PROK2: variants seen among roughly 807,000 people sequenced by gnomAD.
PROK2 encodes the protein prokineticin 2, also known as prokineticin-2.
Under a neutral mutation model 14.2 loss-of-function variants are expected in PROK2, and 8 were observed. The ratio of observed to expected loss-of-function variants is 0.56; its 90% confidence interval spans 0.33 to 1.02. PROK2 has a LOEUF of 1.02. PROK2 is among the 50% of genes least tolerant of loss of function. The pLI is 0.03. For missense variants in PROK2, 154 were observed against 160.4 expected (o/e 0.96, Z 0.22); for synonymous variants, 59 against 60.7 (o/e 0.97, Z 0.13).
At chr3:71,774,299 C>T in intron 3 of PROK2, 146 bp downstream of exon 3, 1 of 1,436,266 alleles carries the variant, frequency 7.0e-7, no homozygotes, top group Non-Finnish European at 9.3e-7. Context: ...ATTATCAAAG[C>T]TGTCTACAGA....
intron 1 of PROK2, among the ~76,000 whole-genome samples, chr3:71,784,008 G>C (rs1436199737): frequency 3.3e-5 from 5 of 152,076 alleles, no homozygotes; most frequent in Admixed American, 6.5e-5. Context: ...TTCAAACATA[G>C]ACGTTTTATT....
intron 2 of PROK2, among the ~76,000 whole-genome samples, chr3:71,776,983 T>C (rs974273680): frequency 6.6e-6 from 1 of 152,202 alleles, no homozygotes; most frequent in African/African-American, 2.4e-5. Context: ...TTTTACTCTT[T>C]TGCAGCACTT....
At chr3:71,777,579 T>A (rs1308524001) in intron 2 of PROK2, among the ~76,000 whole-genome samples, 1 of 152,062 alleles carries the variant, frequency 6.6e-6, no homozygotes, top group Non-Finnish European at 1.5e-5. Flanking sequence ...GTGAAGTTTT[T>A]AAAAAAACCT....
At chr3:71,775,741 C>T (rs181313714) in intron 2 of PROK2, among the ~76,000 whole-genome samples, 7 of 152,290 alleles carry the variant, frequency 4.6e-5, no homozygotes, top group African/African-American at 1.7e-4. Flanking sequence ...TTGCTCTCTT[C>T]TCAAACACCA....
chr3:71,775,910 G>A (rs563993465), intron 2 of PROK2, among the ~76,000 whole-genome samples: 37 of 152,202 alleles, frequency 2.4e-4, no homozygotes, highest in African/African-American at 7.9e-4. Context: ...ACTCCCCGAA[G>A]GGCAGAAGAT....
chr3:71,773,673 A>C (rs568741549), intron 3 of PROK2, among the ~76,000 whole-genome samples: 1 of 152,336 alleles, frequency 6.6e-6, no homozygotes, highest in East Asian at 1.9e-4. Flanking sequence ...CTGGGAAAAA[A>C]CTTTAAAAGG....
chr3:71,775,167 T>G (rs1389979803), intron 2 of PROK2, among the ~76,000 whole-genome samples: 1 of 152,172 alleles, frequency 6.6e-6, no homozygotes, highest in Non-Finnish European at 1.5e-5. Flanking sequence ...CAAACACAGA[T>G]AGCAATATCC....
At chr3:71,777,054 GT>G (rs1344686697) in intron 2 of PROK2, among the ~76,000 whole-genome samples, 1 of 152,208 alleles carries the variant, frequency 6.6e-6, no homozygotes, top group African/African-American at 2.4e-5. Context: ...TGATGGAAAT[GT>G]TTTGTGTCTT....
chr3:71,776,771 A>G (rs1466917915), intron 2 of PROK2, among the ~76,000 whole-genome samples: 1 of 152,178 alleles, frequency 6.6e-6, no homozygotes, highest in African/African-American at 2.4e-5. Flanking sequence ...ACTGTGTGAC[A>G]AAGCTAACAG....
chr3:71,783,317 T>C (rs373952394), intron 1 of PROK2, among the ~76,000 whole-genome samples: 3 of 152,332 alleles, frequency 2.0e-5, no homozygotes, highest in African/African-American at 4.8e-5. Flanking sequence ...CATGGAGACA[T>C]AACTACATTT....
At chr3:71,778,141 G>A (rs1271659214) in intron 2 of PROK2, among the ~76,000 whole-genome samples, 2 of 149,890 alleles carry the variant, frequency 1.3e-5, no homozygotes, top group African/African-American at 2.5e-5. Context: ...AGCTTGCAGT[G>A]AGCCGAGATC....
intron 1 of PROK2, 37 bp from the exon 2 acceptor site, chr3:71,781,629 CA>C (rs772745457): frequency 1.5e-4 from 247 of 1,596,984 alleles, no homozygotes; most frequent in Non-Finnish European, 2.0e-4. Flanking sequence ...ATATAGATAA[CA>C]GGAAAGACTC....
chr3:71,780,746 C>T (rs968567084), intron 2 of PROK2, among the ~76,000 whole-genome samples: 17 of 152,250 alleles, frequency 1.1e-4, no homozygotes, highest in Admixed American at 2.0e-4. Context: ...CCCACCCACC[C>T]GCTTCCTCAT....
At chr3:71,772,889 C>T in intron 3 of PROK2, 61 bp from the exon 4 acceptor site, 1 of 1,414,616 alleles carries the variant, frequency 7.1e-7, no homozygotes, top group East Asian at 2.3e-5. Flanking sequence ...CAAACCAAAT[C>T]ATTCTTGAGA....
intron 1 of PROK2, among the ~76,000 whole-genome samples, chr3:71,782,502 T>C (rs2050167982): frequency 6.6e-6 from 1 of 152,232 alleles, no homozygotes; most frequent in African/African-American, 2.4e-5. Flanking sequence ...AATCTAAATC[T>C]ATTTGCATGA....
chr3:71,781,843 A>G (rs2050162840), intron 1 of PROK2, among the ~76,000 whole-genome samples: 1 of 152,136 alleles, frequency 6.6e-6, no homozygotes. Flanking sequence ...TTAAATAAAC[A>G]TAAGATTTTT....
chr3:71,781,087 A>G (rs2050156575), intron 2 of PROK2, among the ~76,000 whole-genome samples: 1 of 152,266 alleles, frequency 6.6e-6, no homozygotes, highest in Admixed American at 6.5e-5. Flanking sequence ...CTGCCTTATC[A>G]GTAGATCTAA....
At chr3:71,779,296 AC>A (rs749688031) in intron 2 of PROK2, among the ~76,000 whole-genome samples, 2 of 152,242 alleles carry the variant, frequency 1.3e-5, no homozygotes, top group Non-Finnish European at 2.9e-5. Flanking sequence ...AATGATTAAG[AC>A]CACATAAACA....
intron 2 of PROK2, among the ~76,000 whole-genome samples, 185 bp from the exon 3 acceptor site, chr3:71,774,692 T>A (rs2050104992): frequency 6.6e-6 from 1 of 152,172 alleles, no homozygotes; most frequent in African/African-American, 2.4e-5. Flanking sequence ...CATGCAGTCA[T>A]GTTCACCACT....
Sources: allele counts gnomAD v4.1 joint callset (sites outside exome capture counted in the v4.1 genomes callset), GRCh38; gene constraint gnomAD v4.1.1; transcripts MANE v1.5; gene names NCBI Gene and HGNC (gene_info 2026-07-23, HGNC 2026-07-21).